Variants in FBP1 observed in about 807,000 individuals in gnomAD.
The protein encoded by FBP1 is fructose-bisphosphatase 1, also known as fructose-1,6-bisphosphatase 1.
FBP1 carries 22 observed loss-of-function variants against 29.9 expected under a neutral mutation model. The ratio of observed to expected loss-of-function variants is 0.74; its 90% CI spans 0.53 to 1.05. The LOEUF is 1.05. Ranked by LOEUF, FBP1 falls within the 50% of genes least tolerant of loss-of-function variation. FBP1 has a pLI of 0.00. For missense variants in FBP1, 345 were observed against 448.2 expected, an observed-to-expected ratio of 0.77 and a Z score of 2.08; for synonymous variants, 175 against 178.6, an observed-to-expected ratio of 0.98 and a Z score of 0.16.
At chr9:94,607,086 C>A in intron 4 of FBP1, 134 bp from the exon 5 acceptor site, 1 of 1,038,678 alleles carries the variant, frequency 9.6e-7, no homozygotes, top group Non-Finnish European at 1.5e-6. Context: ...CTTGGGGCCC[C>A]GAGACACCTG....
chr9:94,622,242 T>C (rs1827960273), intron 1 of FBP1, among the ~76,000 whole-genome samples: 3 of 152,200 alleles, frequency 2.0e-5, no homozygotes, highest in Non-Finnish European at 2.9e-5. Flanking sequence ...GGGGTTGCCC[T>C]GAACACAGAA....
chr9:94,606,844 C>T lies in FBP1; in HGVS notation c.676G>A (p.Glu226Lys). The T allele has an allele frequency of 6.2e-7, 1 of 1,614,018 alleles. No individual in the cohort carries two copies. The highest frequency in any genetic ancestry group is 8.5e-7 in the Non-Finnish European group (1 of 1,179,878). The change falls in exon 5 of 7, where the codon GAG becomes AAG. Residue 226 changes from glutamate (E) to lysine (K), a missense_variant. Physicochemically the swap from Glu to Lys is moderately conservative, Grantham distance 56 (BLOSUM62 1). Coordinates refer to ENST00000375326, the MANE Select transcript of FBP1 (RefSeq NM_000507.4). The part of the protein sequence containing the change: ...YARDFDPAVT[E>K]YIQRKKFPPD... The stretch of plus-strand genomic sequence containing the variant: ...GGGAACTTCTTCCTCTGGATGTACT[C>T]AGTGACGGCAGGGTCAAAGTCCCTG...
chr9:94,616,074 C>T (rs1485192676), intron 3 of FBP1, among the ~76,000 whole-genome samples: 2 of 152,192 alleles, frequency 1.3e-5, no homozygotes, highest in Admixed American at 6.5e-5. Flanking sequence ...ATGATCCGCC[C>T]ACCTCGGCCT....
intron 1 of FBP1, among the ~76,000 whole-genome samples, chr9:94,621,213 CAAAAAA>C (rs57221045): frequency 4.5e-5 from 2 of 43,984 alleles, no homozygotes; most frequent in African/African-American, 9.4e-5. Context: ...GACTCCGTCT[CAAAAAA>C]AAAAAAAAAA....
rs568522608 is a variant in FBP1, at chr9:94,629,776, A to C, written c.171-9285T>G. Among the ~76,000 whole-genome samples, 11 of 152,250 alleles carry C rather than the reference A, an allele frequency of 7.2e-5. No homozygotes were observed. In the East Asian group the frequency reaches 1.7e-3, roughly 24 times the overall value. On this transcript the variant is annotated intron_variant, in intron 1 of 6. Coordinates refer to ENST00000375326, the MANE Select transcript of FBP1 (RefSeq NM_000507.4). ...CTTAGGAATGGCCCACTCTCTTCTA[A>C]GAGCCACTGGGAGGGAGGGCACAGA...
At position 94,603,492 on chromosome 9, in the gene FBP1, G is replaced by A. The variant is rs28369776; in HGVS notation, c.906C>T (p.Ala302=). The A allele has an allele frequency of 7.1e-4, 1,148 of 1,614,054 alleles. 9 individuals carry two copies. In the South Asian group the frequency reaches 9.2e-3, roughly 13 times the overall value. The change falls in exon 7 of 7, where the codon GCC becomes GCT. Residue 302 remains alanine (A), a synonymous_variant. Coordinates refer to ENST00000375326, the MANE Select transcript of FBP1 (RefSeq NM_000507.4). The stretch of plus-strand genomic sequence containing the variant: ...TGTCTGTGGGAATGACGTCTAACAC[G>A]GCCTCCTTCCCAGTGGTGGCCATTC... ...AGGMATTGKE[A]VLDVIPTDIH... is the part of the protein sequence containing the mutation.
chr9:94,631,229 T>C (rs1372235350), intron 1 of FBP1, among the ~76,000 whole-genome samples: 1 of 152,182 alleles, frequency 6.6e-6, no homozygotes, highest in Non-Finnish European at 1.5e-5. Flanking sequence ...ACGAAGGAGC[T>C]CTTCCTGGAG....
At chr9:94,613,225 G>C (rs1467696328) in intron 3 of FBP1, among the ~76,000 whole-genome samples, 1 of 152,152 alleles carries the variant, frequency 6.6e-6, no homozygotes, top group Non-Finnish European at 1.5e-5. Flanking sequence ...GGGTGATCAG[G>C]CTAGAGAGAA....
intron 1 of FBP1, among the ~76,000 whole-genome samples, chr9:94,629,332 C>A (rs932826181): frequency 6.6e-6 from 1 of 152,268 alleles, no homozygotes; most frequent in African/African-American, 2.4e-5. Flanking sequence ...GAGTCCTGCT[C>A]GTGCCCTTCA....
At chr9:94,626,116 C>G (rs1047826931) in intron 1 of FBP1, among the ~76,000 whole-genome samples, 2 of 152,232 alleles carry the variant, frequency 1.3e-5, no homozygotes, top group Admixed American at 1.3e-4. Flanking sequence ...AAGCGTCCTT[C>G]CCCTCTTCTA....
At chr9:94,625,146 C>T (rs1337578775) in intron 1 of FBP1, among the ~76,000 whole-genome samples, 1 of 96,956 alleles carries the variant, frequency 1.0e-5, no homozygotes, top group Non-Finnish European at 2.8e-5. Flanking sequence ...CTTCTGTTGC[C>T]CCAGATCATG....
upstream of FBP1, among the ~76,000 whole-genome samples, chr9:94,639,709 T>A (rs12553205): frequency 0.44 from 65,170 of 147,354 alleles, 14,574 homozygotes; most frequent in East Asian, 0.77. Flanking sequence ...CGCCCCCTAG[T>A]CTTCCTGGGC....
intron 3 of FBP1, among the ~76,000 whole-genome samples, chr9:94,617,272 GT>G (rs28369712): frequency 0.012 from 1,898 of 152,204 alleles, 39 homozygotes; most frequent in African/African-American, 0.044. Flanking sequence ...TTGTTCTTTA[GT>G]TTTTTTCAAC....
chr9:94,611,661 G>A (rs1999123), intron 3 of FBP1, among the ~76,000 whole-genome samples: 75,911 of 151,916 alleles, frequency 0.5, 19,201 homozygotes, highest in Admixed American at 0.63. Flanking sequence ...GCTGAGGCTG[G>A]AGGATCACTT....
intron 6 of FBP1, chr9:94,603,907 TAATG>T: frequency 2.7e-6 from 1 of 368,086 alleles, no homozygotes; most frequent in Non-Finnish European, 5.3e-6. Context: ...AAACTGGACT[TAATG>T]AGTGATTCTG....
chr9:94,604,337 T>A (rs137902201), intron 6 of FBP1, among the ~76,000 whole-genome samples: 527 of 152,328 alleles, frequency 3.5e-3, no homozygotes, highest in African/African-American at 0.012. Context: ...CACAGGTTGA[T>A]ATGCCCGAGG....
At chr9:94,621,097 C>A (rs1272996251) in intron 1 of FBP1, among the ~76,000 whole-genome samples, 2 of 151,616 alleles carry the variant, frequency 1.3e-5, no homozygotes, top group Non-Finnish European at 2.9e-5. Context: ...GCCTGTAGTC[C>A]CAGCTACTTG....
chr9:94,615,028 C>T (rs899896030), intron 3 of FBP1, among the ~76,000 whole-genome samples: 32 of 152,186 alleles, frequency 2.1e-4, no homozygotes, highest in African/African-American at 7.7e-4. Context: ...CCTGCCTCAG[C>T]CTCCCAGGTA....
intron 3 of FBP1, among the ~76,000 whole-genome samples, chr9:94,615,021 G>C (rs1827842679): frequency 6.6e-6 from 1 of 152,112 alleles, no homozygotes; most frequent in East Asian, 1.9e-4. Flanking sequence ...CCATTCTCCT[G>C]CCTCAGCCTC....
Sources: gnomAD v4.1 joint callset for allele counts (sites outside exome capture counted in the v4.1 genomes callset) on GRCh38, gnomAD v4.1.1 for gene constraint, MANE v1.5 for transcripts, NCBI Gene and HGNC (gene_info 2026-07-23, HGNC 2026-07-21) for gene names.